The following DTX1 variants were observed in gnomAD, a reference collection of about 807,000 sequenced individuals.
DTX1 encodes the protein deltex E3 ubiquitin ligase 1, also known as E3 ubiquitin-protein ligase DTX1.
Under a neutral mutation model 57.8 loss-of-function variants are expected in DTX1, and 26 were observed. The ratio of observed to expected loss-of-function variants is 0.45; its 90% CI spans 0.33 to 0.62. The LOEUF (loss-of-function observed/expected upper bound fraction) is 0.62. Among genes scored for constraint, DTX1 ranks in the 20% least tolerant of loss-of-function variants. The pLI, the probability that DTX1 is intolerant of heterozygous loss-of-function variation, is 0.02. For synonymous variants in DTX1, 398 were observed against 394.1 expected (o/e 1.01, Z -0.12); for missense variants, 704 against 895.3 (o/e 0.79, Z 2.73).
chr12:113,069,814 C>T (rs757105080), intron 2 of DTX1, among the ~76,000 whole-genome samples: 4 of 152,126 alleles, frequency 2.6e-5, no homozygotes, highest in Non-Finnish European at 4.4e-5. Flanking sequence ...GCTGGCACTG[C>T]GGAGCATTCG....
intron 2 of DTX1, among the ~76,000 whole-genome samples, chr12:113,066,930 G>T (rs906191058): frequency 6.6e-6 from 1 of 152,058 alleles, no homozygotes; most frequent in African/African-American, 2.4e-5. Flanking sequence ...CCGCATAGTT[G>T]TGTCCTTGCT....
intron 3 of DTX1, among the ~76,000 whole-genome samples, chr12:113,078,464 G>GT: frequency 6.6e-6 from 1 of 152,298 alleles, no homozygotes; most frequent in Non-Finnish European, 1.5e-5. Flanking sequence ...CCCGTTATAT[G>GT]TATCACCTCG....
chr12:113,086,319 G>C (rs1238015681), intron 3 of DTX1, among the ~76,000 whole-genome samples: 1 of 152,006 alleles, frequency 6.6e-6, no homozygotes, highest in African/African-American at 2.4e-5. Flanking sequence ...CCAGACAGCA[G>C]AACAGCATGT....
intron 3 of DTX1, among the ~76,000 whole-genome samples, chr12:113,087,573 G>A (rs903320125): frequency 2.0e-5 from 3 of 152,074 alleles, no homozygotes; most frequent in African/African-American, 7.2e-5. Flanking sequence ...CACACCCCTA[G>A]AAAGGAGAAA....
At chr12:113,094,564 CCTGT>C (rs1950271661) in intron 6 of DTX1, among the ~76,000 whole-genome samples, 1 of 152,090 alleles carries the variant, frequency 6.6e-6, no homozygotes, top group Admixed American at 6.6e-5. Flanking sequence ...GGCAACAGAG[CCTGT>C]CTCTTAATAA....
intron 3 of DTX1, among the ~76,000 whole-genome samples, chr12:113,091,228 C>T (rs557418904): frequency 3.3e-5 from 5 of 150,564 alleles, no homozygotes; most frequent in African/African-American, 1.2e-4. Flanking sequence ...TGTGTGTCCC[C>T]GTGTGTGCAC....
chr12:113,077,385 G>A lies in DTX1; in HGVS notation c.260-39G>A. The stretch of plus-strand genomic sequence containing the variant: ...CGCCCTTCCAGCCGCGCAGACCAAC[G>A]CCCGCTGTGCTGACGCCTCCTCCCC... On this transcript the variant is annotated intron_variant, in intron 2 of 9. Transcript: ENST00000548759. The surrounding 1 kb of genome is among the most constrained non-coding windows in gnomAD (Gnocchi z 7.8). 2 of 1,411,992 alleles carry A rather than the reference G, an allele frequency of 1.4e-6. No individual in the cohort carries two copies. The highest frequency in any genetic ancestry group is 1.9e-6 in the Non-Finnish European group (2 of 1,068,552). 87.5% of individuals were successfully genotyped at this position (1,411,992 alleles called of 1,614,324 possible).
At chr12:113,096,652 G>A (rs1440428388) in intron 9 of DTX1, 63 bp from the exon 10 acceptor site, 4 of 1,494,656 alleles carry the variant, frequency 2.7e-6, no homozygotes, top group Non-Finnish European at 3.6e-6. Flanking sequence ...GGGAGGCTGA[G>A]GCTGGTGGGC....
chr12:113,059,482 G>A (rs1220769884), intron 2 of DTX1, among the ~76,000 whole-genome samples: 1 of 152,114 alleles, frequency 6.6e-6, no homozygotes, highest in Non-Finnish European at 1.5e-5. Context: ...GCTGATGATG[G>A]AGATAAAATC....
At chr12:113,078,133 C>T in intron 3 of DTX1, 28 bp downstream of exon 3, 1 of 1,329,994 alleles carries the variant, frequency 7.5e-7, no homozygotes, top group Non-Finnish European at 9.6e-7. Flanking sequence ...GGGAGGGGGC[C>T]TCTGCGTCGT....
In DTX1 at chr12:113,093,745, G is replaced by A; in HGVS notation, c.1165+45G>A. The A allele has an allele frequency of 1.9e-6, 3 of 1,603,288 alleles. No individual in the cohort carries two copies. The highest frequency in any genetic ancestry group is 2.6e-6 in the Non-Finnish European group (3 of 1,172,834). On this transcript the variant is annotated intron_variant, in intron 5 of 9. Coordinates refer to ENST00000548759, the MANE Select transcript of DTX1 (RefSeq NM_004416.3). This position sits in a 1 kb window ranked among gnomAD's most constrained non-coding sequence, Gnocchi z 4.2. ...CCTCACACGAGATGAACCCCACTAA[G>A]CCTTGACCACAACTCTGTGACCCCT...
Position 113,093,350 on chromosome 12 carries a change from T to A in DTX1, c.1003+127T>A. 7.4e-7 allele frequency: 1 copy of A among 1,356,392 alleles called. No homozygotes were observed. Among genetic ancestry groups the A allele is most frequent in the South Asian group, 1.4e-5 (1 of 70,002 alleles). The allele number at this position is 1,356,392 out of a possible 1,614,324, so 84.0% of individuals were successfully genotyped here. ...GCCCGGAGGAAACGCCCCCTTCCACTGGGCCCAGGACACAGGGCGGGCGTG... is the reference window on the plus strand; with the variant it reads ...GCCCGGAGGAAACGCCCCCTTCCACAGGGCCCAGGACACAGGGCGGGCGTG... On this transcript the variant is annotated intron_variant, in intron 4 of 9. Transcript: ENST00000548759. This position sits in a 1 kb window ranked among gnomAD's most constrained non-coding sequence, Gnocchi z 4.2.
intron 3 of DTX1, among the ~76,000 whole-genome samples, chr12:113,082,496 G>A (rs1268888232): frequency 1.3e-5 from 2 of 152,170 alleles, no homozygotes; most frequent in African/African-American, 4.8e-5. Context: ...ATGGAGGTGG[G>A]GGGTCTTTGA....
intron 2 of DTX1, among the ~76,000 whole-genome samples, chr12:113,071,169 G>A (rs1194702715): frequency 6.6e-6 from 1 of 152,196 alleles, no homozygotes; most frequent in Non-Finnish European, 1.5e-5. Context: ...GATCATGTAT[G>A]TCTCTCTCTG....
chr12:113,095,456 A>C (rs1225689261), intron 9 of DTX1, 42 bp downstream of exon 9: 1 of 1,611,866 alleles, frequency 6.2e-7, no homozygotes, highest in Non-Finnish European at 8.5e-7. Context: ...AGGCACAGGC[A>C]GGGGCTCCAG....
intron 2 of DTX1, among the ~76,000 whole-genome samples, chr12:113,065,910 T>C (rs2044700637): frequency 6.6e-6 from 1 of 152,074 alleles, no homozygotes; most frequent in Admixed American, 6.5e-5. Context: ...TCCAGTGTGA[T>C]GTTCTTGGTG....
intron 2 of DTX1, among the ~76,000 whole-genome samples, chr12:113,060,509 C>G (rs1350919698): frequency 6.6e-6 from 1 of 152,194 alleles, no homozygotes; most frequent in East Asian, 1.9e-4. Flanking sequence ...GCAGAGGGCA[C>G]AGCCAGTGCA....
chr12:113,061,394 G>T (rs1047360765), intron 2 of DTX1, among the ~76,000 whole-genome samples: 1 of 152,140 alleles, frequency 6.6e-6, no homozygotes, highest in Non-Finnish European at 1.5e-5. Context: ...TTTTTCCCTC[G>T]CTTTACCCAG....
At chr12:113,067,406 C>T (rs888879960) in intron 2 of DTX1, among the ~76,000 whole-genome samples, 1 of 152,186 alleles carries the variant, frequency 6.6e-6, no homozygotes, top group African/African-American at 2.4e-5. Context: ...AGCCTGGGTC[C>T]AAGGCCTGTC....
Sources: gnomAD v4.1 joint callset for allele counts (sites outside exome capture counted in the v4.1 genomes callset) on GRCh38, gnomAD v4.1.1 for gene constraint, Gnocchi (gnomAD v3.1) non-coding constraint, MANE v1.5 for transcripts, NCBI Gene and HGNC (gene_info 2026-07-23, HGNC 2026-07-21) for gene names.